MCF2L: variants seen among roughly 807,000 people sequenced by gnomAD.
MCF2L encodes the protein guanine nucleotide exchange factor DBS.
MCF2L carries 97 observed loss-of-function variants against 153.4 expected under a neutral mutation model. The observed-to-expected ratio is 0.63, with a 90% CI of 0.54 to 0.75. The LOEUF (loss-of-function observed/expected upper bound fraction) is 0.75, where lower values mean the gene tolerates loss of function less well. Among genes scored for constraint, MCF2L ranks in the 30% least tolerant of loss-of-function variants. MCF2L has a pLI of 0.00. For missense variants in MCF2L, 1,347 were observed against 1,495.2 expected (o/e 0.90, Z 1.64); for synonymous variants, 659 against 632.2 (o/e 1.04, Z -0.64).
At chr13:112,984,105 C>A (rs1328542168) in intron 1 of MCF2L, among the ~76,000 whole-genome samples, 1 of 152,246 alleles carries the variant, frequency 6.6e-6, no homozygotes, top group Admixed American at 6.5e-5. Flanking sequence ...CACCATACTT[C>A]AGAGGCAGCA....
chr13:112,953,445 C>T (rs2081718640), intron 2 of MCF2L, among the ~76,000 whole-genome samples: 1 of 152,156 alleles, frequency 6.6e-6, no homozygotes, highest in Admixed American at 6.5e-5. Context: ...GTGTCCGCTC[C>T]CCTCTCAAAA....
chr13:113,014,001 G>GTGCTCCTGGCTGGTGCTGGCCCCA (rs1228336687), intron 1 of MCF2L, among the ~76,000 whole-genome samples: 1 of 147,224 alleles, frequency 6.8e-6, no homozygotes, highest in African/African-American at 2.6e-5. Flanking sequence ...TGCTGGCCCC[G>GTGCTCCTGGCTGGTGCTGGCCCCA]TGCTCCTGGC....
At chr13:113,050,373 C>G (rs1304294379) in intron 4 of MCF2L, among the ~76,000 whole-genome samples, 5 of 151,552 alleles carry the variant, frequency 3.3e-5, no homozygotes, top group Non-Finnish European at 7.4e-5. Context: ...ATGTTTAGAG[C>G]TAGCCTAAAT....
At chr13:113,001,040 A>G (rs918219717) in intron 1 of MCF2L, among the ~76,000 whole-genome samples, 1 of 148,812 alleles carries the variant, frequency 6.7e-6, no homozygotes, top group African/African-American at 2.4e-5. Flanking sequence ...AAATGGTCTC[A>G]GGTAACTTGG....
Position 113,078,357 on chromosome 13 carries a change from C to G in MCF2L, c.1661-6C>G, listed in dbSNP as rs1238386728. The G allele has an allele frequency of 6.2e-7, 1 of 1,612,826 alleles. No homozygotes were observed. The highest frequency in any genetic ancestry group is 1.3e-5 in the African/African-American group (1 of 75,046). On this transcript the variant is annotated splice_region_variant and splice_polypyrimidine_tract_variant and intron_variant, in intron 13 of 29. Coordinates refer to ENST00000535094, the MANE Select transcript of MCF2L (RefSeq NM_001112732.3). ...CTTCATGCCCCGCTCCCCTTCTTCC[C>G]AACAGGCATTCGGCGAGGCTCTGAG...
At chr13:113,087,677 G>C in intron 22 of MCF2L, 30 bp from the exon 23 acceptor site, 1 of 1,577,364 alleles carries the variant, frequency 6.3e-7, no homozygotes, top group South Asian at 1.1e-5. Context: ...CACTGTGCAC[G>C]CGAACCCCAT....
intron 2 of MCF2L, among the ~76,000 whole-genome samples, chr13:112,963,144 G>A (rs983827724): frequency 1.2e-4 from 19 of 152,262 alleles, no homozygotes; most frequent in Non-Finnish European, 2.5e-4. Context: ...GGGCACAGAC[G>A]TCCCCTCTGA....
At chr13:112,968,873 GGACCTCGGCGGTGACACGAATTTCTAGGT>G, upstream of MCF2L, 1 of 857,838 alleles carries the variant, frequency 1.2e-6, no homozygotes, top group East Asian at 3.3e-5. Flanking sequence ...GGCTCCCAGG[GGACCTCGGCGGTGACACGAATTTCTAGGT>G]GACCTTGGCG....
intron 1 of MCF2L, among the ~76,000 whole-genome samples, chr13:112,994,851 G>T (rs1040566784): frequency 2.6e-5 from 4 of 152,226 alleles, no homozygotes; most frequent in African/African-American, 9.6e-5. Flanking sequence ...AGTGGGCTGG[G>T]CTCAAACCCA....
intron 4 of MCF2L, among the ~76,000 whole-genome samples, chr13:113,048,004 T>C (rs188957947): frequency 6.6e-6 from 1 of 152,294 alleles, no homozygotes; most frequent in Non-Finnish European, 1.5e-5. Context: ...CCGGGTTAGA[T>C]GACAAGAGCT....
chr13:112,894,354 G>C (rs1413863483), upstream of MCF2L: 1 of 146,684 alleles, frequency 6.8e-6, no homozygotes, highest in Non-Finnish European at 1.5e-5. Context: ...GCAGCCCTGG[G>C]AGGAGGCGTC....
Position 113,045,318 on chromosome 13 carries a change from G to C in MCF2L, c.326G>C (p.Arg109Pro), listed in dbSNP as rs768259190. The C allele has an allele frequency of 4.3e-6, 7 of 1,614,066 alleles. No homozygotes were observed. The highest frequency in any genetic ancestry group is 1.7e-5 in the Admixed American group (1 of 60,026). ...TTCATCCTGGTGATAGACCGGCGACGGGACAAATGGACCTCCGTGAAGGCG... is the reference window on the plus strand; with the variant it reads ...TTCATCCTGGTGATAGACCGGCGACCGGACAAATGGACCTCCGTGAAGGCG... ...IGFILVIDRR[R>P]DKWTSVKASV... Residue 109 changes from arginine (R) to proline (P), a missense_variant, in exon 4 of 30, where the codon CGG becomes CCG. Physicochemically the swap from Arg to Pro is moderately radical, Grantham distance 103. Around this residue, in one of 3 missense-constraint regions of MCF2L, gnomAD observed 820 missense variants for 921.2 expected, o/e 0.89. Coordinates refer to ENST00000535094, the MANE Select transcript of MCF2L (RefSeq NM_001112732.3). The surrounding 1 kb of genome is among the most constrained non-coding windows in gnomAD (Gnocchi z 4.2).
chr13:113,091,140 C>G, intron 26 of MCF2L: 1 of 1,300,320 alleles, frequency 7.7e-7, no homozygotes, highest in Non-Finnish European at 1.0e-6. Flanking sequence ...CCAGTCCTGA[C>G]AAAAAAGCCA....
intron 2 of MCF2L, among the ~76,000 whole-genome samples, chr13:112,942,977 T>G (rs1288008832): frequency 6.6e-6 from 1 of 152,204 alleles, no homozygotes; most frequent in Non-Finnish European, 1.5e-5. Context: ...GATTGACATG[T>G]GTCCAAAGGA....
In MCF2L at chr13:113,096,549, G is replaced by C; in HGVS notation, c.3189-1G>C. 1 of 1,603,024 alleles carries C rather than the reference G, an allele frequency of 6.2e-7. No individual in the cohort carries two copies. The highest frequency in any genetic ancestry group is 8.5e-7 in the Non-Finnish European group (1 of 1,176,850). The stretch of plus-strand genomic sequence containing the variant: ...CTGCCGCTGACCCTCGCCCCTTGCA[G>C]GTACGTCAGGGACCCGACCACTGGC... On this transcript the variant is annotated splice_acceptor_variant, in intron 28 of 29. Transcript: ENST00000535094. LOFTEE classifies it high-confidence loss of function.
intron 2 of MCF2L, among the ~76,000 whole-genome samples, chr13:112,937,293 G>A (rs2081524900): frequency 6.6e-6 from 1 of 152,236 alleles, no homozygotes; most frequent in Admixed American, 6.5e-5. Flanking sequence ...AACCTCAAGT[G>A]ATCTGCCCAC....
intron 2 of MCF2L, among the ~76,000 whole-genome samples, chr13:113,018,240 C>CT (rs2084657286): frequency 6.6e-6 from 1 of 152,252 alleles, no homozygotes; most frequent in African/African-American, 2.4e-5. Flanking sequence ...CACCTGGACT[C>CT]TGTGTCTGTC....
intron 1 of MCF2L, among the ~76,000 whole-genome samples, chr13:112,982,674 G>T (rs1219883360): frequency 6.6e-6 from 1 of 152,178 alleles, no homozygotes; most frequent in African/African-American, 2.4e-5. Flanking sequence ...GTGAGGGAGA[G>T]CTGGGCAGGG....
intron 2 of MCF2L, among the ~76,000 whole-genome samples, chr13:113,018,113 A>T (rs969609448): frequency 6.6e-6 from 1 of 152,158 alleles, no homozygotes; most frequent in South Asian, 2.1e-4. Flanking sequence ...CTCTGTCCAG[A>T]TCCTGGATCC....
Sources: gnomAD v4.1 joint callset for allele counts (sites outside exome capture counted in the v4.1 genomes callset) on GRCh38, gnomAD v4.1.1 for gene constraint, gnomAD v4.1.1 regional missense constraint, Gnocchi (gnomAD v3.1) non-coding constraint, MANE v1.5 for transcripts, NCBI Gene and HGNC (gene_info 2026-07-23, HGNC 2026-07-21) for gene names.